The following WDPCP variants were observed in gnomAD, a reference collection of about 807,000 sequenced individuals.
WDPCP encodes WD repeat containing planar cell polarity effector.
A neutral mutation model predicts 93.1 loss-of-function variants in WDPCP; 71 were observed. The ratio of observed to expected loss-of-function variants is 0.76; its 90% CI spans 0.63 to 0.93. WDPCP has a LOEUF of 0.93. Ranked by LOEUF, WDPCP falls within the 40% of genes least tolerant of loss-of-function variation. The probability of loss-of-function intolerance (pLI) is 0.00; values close to 1 mark genes in which losing one functional copy is unlikely to be tolerated. For missense variants in WDPCP, 844 were observed against 887.4 expected (o/e 0.95, Z 0.62); for synonymous variants, 315 against 315.0 (o/e 1.00, Z 0.00).
chr2:63,742,346 A>G (rs148133778), intron 2 of WDPCP, among the ~76,000 whole-genome samples: 246 of 152,036 alleles, frequency 1.6e-3, no homozygotes, highest in African/African-American at 5.4e-3. Context: ...TCTAGCTTAT[A>G]ATTTTAGTGG....
intron 17 of WDPCP, among the ~76,000 whole-genome samples, chr2:63,152,698 T>C (rs1671968601): frequency 6.6e-6 from 1 of 152,238 alleles, no homozygotes; most frequent in South Asian, 2.1e-4. Flanking sequence ...TATTTTAAAA[T>C]AGCTTTTAAA....
intron 6 of WDPCP, among the ~76,000 whole-genome samples, chr2:63,443,921 A>G (rs968333071): frequency 1.3e-5 from 2 of 152,212 alleles, no homozygotes; most frequent in African/African-American, 4.8e-5. Context: ...AATTTAGATT[A>G]TGGAGAATCA....
intron 1 of WDPCP, among the ~76,000 whole-genome samples, chr2:63,548,302 T>A (rs938551440): frequency 6.6e-6 from 1 of 152,144 alleles, no homozygotes; most frequent in Admixed American, 6.5e-5. Context: ...AAAGGCTTTT[T>A]AAATTATTTC....
intron 9 of WDPCP, among the ~76,000 whole-genome samples, chr2:63,407,103 G>C (rs760707989): frequency 5.9e-5 from 9 of 152,064 alleles, no homozygotes; most frequent in Non-Finnish European, 1.0e-4. Context: ...ATAAAGCAAA[G>C]TACAGGGAAT....
chr2:63,332,106 G>A (rs1356389), intron 12 of WDPCP, among the ~76,000 whole-genome samples: 120,193 of 150,148 alleles, frequency 0.8, 48,955 homozygotes, highest in East Asian at 0.96. Flanking sequence ...GTGTGTGTGT[G>A]TATATATATG....
intron 6 of WDPCP, among the ~76,000 whole-genome samples, chr2:63,462,113 A>G (rs898904806): frequency 2.0e-5 from 3 of 152,254 alleles, no homozygotes; most frequent in Admixed American, 6.5e-5. Context: ...ATGTCCATCA[A>G]TGATAGGCTG....
chr2:63,685,482 A>G (rs767448194), intron 2 of WDPCP, among the ~76,000 whole-genome samples: 2 of 151,300 alleles, frequency 1.3e-5, no homozygotes, highest in Non-Finnish European at 2.9e-5. Context: ...AGCGAAGAAA[A>G]GCCCAGGACC....
At chr2:63,687,824 C>G (rs935819536) in intron 2 of WDPCP, among the ~76,000 whole-genome samples, 2 of 152,180 alleles carry the variant, frequency 1.3e-5, no homozygotes, top group African/African-American at 4.8e-5. Context: ...ATCCAGCAAT[C>G]CCACTACTCG....
intron 2 of WDPCP, among the ~76,000 whole-genome samples, chr2:63,709,407 T>C (rs1043700016): frequency 1.3e-5 from 2 of 152,182 alleles, no homozygotes; most frequent in African/African-American, 4.8e-5. Context: ...TTATCATATT[T>C]GACATTTTAT....
At chr2:63,124,977 G>A (rs1669797528) in intron 17 of WDPCP, among the ~76,000 whole-genome samples, 1 of 151,452 alleles carries the variant, frequency 6.6e-6, no homozygotes, top group South Asian at 2.1e-4. Flanking sequence ...TAAGGCTTTT[G>A]CTTATAAGCA....
chr2:63,302,593 A>G (rs1203775049), intron 13 of WDPCP, among the ~76,000 whole-genome samples: 1 of 152,208 alleles, frequency 6.6e-6, no homozygotes, highest in Non-Finnish European at 1.5e-5. Flanking sequence ...AAAATTTCTT[A>G]CCAGTTGGGC....
At chr2:63,178,488 G>C (rs1408323917) in intron 14 of WDPCP, among the ~76,000 whole-genome samples, 1 of 151,958 alleles carries the variant, frequency 6.6e-6, no homozygotes, top group Non-Finnish European at 1.5e-5. Context: ...CAGTTTGTTG[G>C]CATATGACTG....
At chr2:63,705,205 C>A (rs986417486) in intron 2 of WDPCP, among the ~76,000 whole-genome samples, 1 of 152,042 alleles carries the variant, frequency 6.6e-6, no homozygotes, top group Non-Finnish European at 1.5e-5. Context: ...CTTTATTAGT[C>A]TTGCTAGCAG....
intron 2 of WDPCP, among the ~76,000 whole-genome samples, chr2:63,765,184 C>A (rs1670118936): frequency 6.6e-6 from 1 of 152,134 alleles, no homozygotes. Flanking sequence ...TAGGCAACGG[C>A]AGTGTTTAAT....
chr2:63,609,558 T>C lies in WDPCP; in HGVS notation n.488+41101A>G, dbSNP rs115510110. Among the ~76,000 whole-genome samples the C allele has an allele frequency of 9.0e-3, 1,366 of 152,110 alleles. 17 individuals are homozygous for C. Among genetic ancestry groups the C allele is most frequent in the African/African-American group, 0.03 (1,256 of 41,492 alleles). On this transcript the variant is annotated intron_variant and non_coding_transcript_variant, in intron 3 of 4. Coordinates refer to the WDPCP transcript ENST00000467687. ...TCAAACATATCTTTAGAAGAGCAAT[T>C]AGTTGGAAGCATGAAAACTAATTTC...
chr2:63,588,776 T>C (rs749463856), upstream of WDPCP: 13 of 535,200 alleles, frequency 2.4e-5, no homozygotes, highest in Non-Finnish European at 4.4e-5. Flanking sequence ...CAGGGACTAC[T>C]TTGCAATCGG....
chr2:63,606,449 T>G (rs1709529587), intron 3 of WDPCP, among the ~76,000 whole-genome samples: 1 of 152,240 alleles, frequency 6.6e-6, no homozygotes, highest in South Asian at 2.1e-4. Flanking sequence ...TTTCTCAGCT[T>G]TAAAACTATA....
chr2:63,750,079 A>C lies in WDPCP; in HGVS notation n.308+63543T>G, dbSNP rs551847764. On this transcript the variant is annotated intron_variant and non_coding_transcript_variant, in intron 2 of 4. Transcript: ENST00000467687. The stretch of plus-strand genomic sequence containing the variant: ...GAATATATATATTTGTGATAAAAAT[A>C]GGTAAGAAAAGAGAAGTGATTTTGA... Among the ~76,000 whole-genome samples, 4 of 152,254 alleles carry C rather than the reference A, an allele frequency of 2.6e-5. No individual in the cohort carries two copies. In the East Asian group the frequency reaches 7.7e-4, roughly 29 times the overall value.
intron 13 of WDPCP, among the ~76,000 whole-genome samples, chr2:63,295,880 CAAAAAAA>C (rs59418675): frequency 6.5e-4 from 75 of 115,212 alleles, no homozygotes; most frequent in South Asian, 2.9e-3. Context: ...GAAACTATTC[CAAAAAAA>C]AAAAAAAAAA....
Sources: gnomAD v4.1 joint callset for allele counts (sites outside exome capture counted in the v4.1 genomes callset) on GRCh38, gnomAD v4.1.1 for gene constraint, MANE v1.5 for transcripts, NCBI Gene and HGNC (gene_info 2026-07-23, HGNC 2026-07-21) for gene names.